DPP10: variants seen among roughly 807,000 people sequenced by gnomAD.
DPP10 encodes the protein inactive dipeptidyl peptidase 10.
In DPP10, 33 loss-of-function variants were observed where a neutral mutation model predicts 120.9. The ratio of observed to expected loss-of-function variants is 0.27; its 90% confidence interval spans 0.21 to 0.37. The LOEUF is 0.37. DPP10 is among the 10% of genes least tolerant of loss of function. The probability of loss-of-function intolerance (pLI) is 1.00; values close to 1 mark genes in which losing one functional copy is unlikely to be tolerated. For synonymous variants in DPP10, 337 were observed against 326.1 expected (o/e 1.03, Z -0.36); for missense variants, 816 against 942.8 (o/e 0.87, Z 1.76).
At chr2:114,849,519 G>A (rs1688787674) in intron 1 of DPP10, among the ~76,000 whole-genome samples, 1 of 151,918 alleles carries the variant, frequency 6.6e-6, no homozygotes, top group Non-Finnish European at 1.5e-5. Context: ...GTAATTTTTA[G>A]TAGAGATAAG....
intron 13 of DPP10, among the ~76,000 whole-genome samples, chr2:115,773,037 A>C (rs551576024): frequency 6.6e-6 from 1 of 152,264 alleles, no homozygotes; most frequent in Admixed American, 6.5e-5. Context: ...ACTGTGGAAA[A>C]CAGCATGCCC....
intron 3 of DPP10, 42 bp from the exon 4 acceptor site, chr2:115,499,468 A>G: frequency 1.3e-6 from 2 of 1,482,296 alleles, no homozygotes; most frequent in Non-Finnish European, 1.9e-6. Flanking sequence ...TATATTATCT[A>G]GTCAATGTAT....
chr2:114,875,137 C>A (rs776270065), intron 1 of DPP10, among the ~76,000 whole-genome samples: 8 of 152,080 alleles, frequency 5.3e-5, no homozygotes, highest in Non-Finnish European at 1.0e-4. Flanking sequence ...CACTCAATGA[C>A]CCTGAATCAG....
intron 1 of DPP10, among the ~76,000 whole-genome samples, chr2:115,295,335 T>C (rs2060837243): frequency 6.6e-6 from 1 of 152,096 alleles, no homozygotes; most frequent in Admixed American, 6.6e-5. Flanking sequence ...ATAACTTACC[T>C]TGAGTTTATT....
intron 1 of DPP10, among the ~76,000 whole-genome samples, chr2:114,831,859 T>A (rs185454557): frequency 0.23 from 31,336 of 134,156 alleles, 3,480 homozygotes; most frequent in East Asian, 0.36. Context: ...TTAAAAAAAA[T>A]ATATATATAT....
chr2:115,527,292 A>C lies in DPP10; in HGVS notation c.441+1320A>C, dbSNP rs535076553. On this transcript the variant is annotated intron_variant, in intron 5 of 25. Transcript: ENST00000410059. Reference sequence around the variant, plus strand: ...ATGGAGGACAGTCTTTTCAACAACTAGTGCCAGAACAATCAGATATCCATA... The same window carrying C: ...ATGGAGGACAGTCTTTTCAACAACTCGTGCCAGAACAATCAGATATCCATA... Among the ~76,000 whole-genome samples the C allele has an allele frequency of 2.6e-5, 4 of 152,194 alleles. No homozygotes were observed. In the South Asian group the frequency reaches 8.3e-4, roughly 32 times the overall value.
rs147064020 is a variant in DPP10, at chr2:114,733,100, G to A, written c.60+290262G>A. Among the ~76,000 whole-genome samples, 7 of 152,306 alleles carry A rather than the reference G, an allele frequency of 4.6e-5. No individual in the cohort carries two copies. The East Asian group carries it at 7.7e-4, about 17-fold the overall frequency. On this transcript the variant is annotated intron_variant, in intron 1 of 25. Coordinates refer to ENST00000410059, the MANE Select transcript of DPP10 (RefSeq NM_020868.6). ...AGAGCGAGAAAGGGCAGGTCTTGACGACTGCTTGGAGGTAGGTGGTGCGAG... is the reference window on the plus strand; with the variant it reads ...AGAGCGAGAAAGGGCAGGTCTTGACAACTGCTTGGAGGTAGGTGGTGCGAG...
At chr2:114,924,895 A>G (rs1363566592) in intron 1 of DPP10, among the ~76,000 whole-genome samples, 1 of 152,228 alleles carries the variant, frequency 6.6e-6, no homozygotes, top group Admixed American at 6.5e-5. Context: ...TTATACTTTC[A>G]TATGTATACA....
intron 1 of DPP10, chr2:115,050,353 C>G (rs540168611): frequency 7.9e-5 from 12 of 152,194 alleles, no homozygotes; most frequent in African/African-American, 1.4e-4. Flanking sequence ...GCAAAACAGA[C>G]CTCGCTCACA....
intron 1 of DPP10, among the ~76,000 whole-genome samples, chr2:114,504,807 G>A (rs371110785): frequency 1.3e-4 from 19 of 151,926 alleles, no homozygotes; most frequent in African/African-American, 4.4e-4. Context: ...TAATCCCAGT[G>A]CTTTGGGAGG....
chr2:114,504,660 A>G (rs1467235559), intron 1 of DPP10, among the ~76,000 whole-genome samples: 1 of 152,164 alleles, frequency 6.6e-6, no homozygotes, highest in African/African-American at 2.4e-5. Context: ...CACTATTCTC[A>G]ACACATGTCA....
intron 5 of DPP10, among the ~76,000 whole-genome samples, chr2:115,673,040 C>T (rs777530111): frequency 1.3e-5 from 2 of 151,982 alleles, no homozygotes; most frequent in East Asian, 1.9e-4. Context: ...TAAGCCACTG[C>T]GCCCGACTAT....
At chr2:114,586,524 T>C (rs951566565) in intron 1 of DPP10, among the ~76,000 whole-genome samples, 2 of 152,200 alleles carry the variant, frequency 1.3e-5, no homozygotes, top group Non-Finnish European at 2.9e-5. Context: ...AAATACAACA[T>C]GTAAAAGGCT....
intron 1 of DPP10, among the ~76,000 whole-genome samples, chr2:114,451,534 G>T (rs889564677): frequency 2.6e-5 from 4 of 152,006 alleles, no homozygotes; most frequent in Admixed American, 2.6e-4. Context: ...GAAAGGGAAA[G>T]AAAATAGTTC....
At chr2:115,701,881 A>G (rs1001680784) in intron 7 of DPP10, among the ~76,000 whole-genome samples, 4 of 152,068 alleles carry the variant, frequency 2.6e-5, no homozygotes, top group Admixed American at 6.6e-5. Flanking sequence ...AAGAAGTTTG[A>G]TCTTAATATG....
intron 1 of DPP10, among the ~76,000 whole-genome samples, chr2:114,754,295 A>T (rs1679529053): frequency 6.6e-6 from 1 of 152,154 alleles, no homozygotes; most frequent in Non-Finnish European, 1.5e-5. Context: ...TTCTGTTCAC[A>T]ATCAGTTCTT....
intron 19 of DPP10, among the ~76,000 whole-genome samples, chr2:115,801,570 T>G (rs1685242579): frequency 6.6e-6 from 1 of 152,168 alleles, no homozygotes; most frequent in African/African-American, 2.4e-5. Context: ...GGCTGTGGGT[T>G]TGTCATAAAT....
At chr2:114,896,721 C>T (rs1244522088) in intron 1 of DPP10, among the ~76,000 whole-genome samples, 5 of 152,236 alleles carry the variant, frequency 3.3e-5, no homozygotes, top group Non-Finnish European at 5.9e-5. Flanking sequence ...ATTGAATACC[C>T]TTTATTTCCT....
intron 11 of DPP10, among the ~76,000 whole-genome samples, chr2:115,753,947 G>T (rs9308718): frequency 0.045 from 6,896 of 152,184 alleles, 538 homozygotes; most frequent in African/African-American, 0.16. Flanking sequence ...TCAAACTTCT[G>T]TTCTGGAAAA....
Sources: gnomAD v4.1 joint callset for allele counts (sites outside exome capture counted in the v4.1 genomes callset) on GRCh38, gnomAD v4.1.1 for gene constraint, MANE v1.5 for transcripts, NCBI Gene and HGNC (gene_info 2026-07-23, HGNC 2026-07-21) for gene names.